GRIA2: variants seen among roughly 807,000 people sequenced by gnomAD.
GRIA2 encodes the protein glutamate ionotropic receptor AMPA type subunit 2, also known as glutamate receptor 2.
In GRIA2, 14 loss-of-function variants were observed where a neutral mutation model predicts 97.3. That is an observed-to-expected ratio of 0.14 (90% CI 0.10 to 0.23). The LOEUF is 0.23. Ranked by LOEUF, GRIA2 falls within the 10% of genes least tolerant of loss-of-function variation. GRIA2 has a pLI of 1.00. For missense variants in GRIA2, 558 were observed against 1,069.8 expected, an observed-to-expected ratio of 0.52 and a Z score of 6.67; for synonymous variants, 412 against 387.8, an observed-to-expected ratio of 1.06 and a Z score of -0.73.
At chr4:157,287,539 T>A (rs1732899895) in intron 2 of GRIA2, among the ~76,000 whole-genome samples, 1 of 151,626 alleles carries the variant, frequency 6.6e-6, no homozygotes, top group South Asian at 2.1e-4. Flanking sequence ...TATTTGCTTT[T>A]GCTTAGTGAT....
At chr4:157,346,118 TA>T (rs1342313537) in intron 12 of GRIA2, among the ~76,000 whole-genome samples, 3 of 152,092 alleles carry the variant, frequency 2.0e-5, no homozygotes, top group South Asian at 2.1e-4. Flanking sequence ...TAATTGAGAG[TA>T]TTTTTTTAAA....
chr4:157,351,434 T>C (rs1309877033), intron 12 of GRIA2, among the ~76,000 whole-genome samples: 1 of 152,160 alleles, frequency 6.6e-6, no homozygotes, highest in Non-Finnish European at 1.5e-5. Context: ...ACATAAGGTA[T>C]AATGAGTAGG....
At chr4:157,347,050 A>G (rs191880860) in intron 12 of GRIA2, among the ~76,000 whole-genome samples, 2 of 152,322 alleles carry the variant, frequency 1.3e-5, no homozygotes, top group East Asian at 3.9e-4. Context: ...TTAACAATAC[A>G]GGAAGGGTCA....
rs564963680 is a variant in GRIA2, at chr4:157,269,916, G to T, written c.230-33636G>T. ...AGCTTTCTTTTATGCTCATATATAA[G>T]TACCTTGAAAAGTGGGCCCATCAGT... On this transcript the variant is annotated intron_variant, in intron 2 of 15. Transcript: ENST00000264426. Among the ~76,000 whole-genome samples the T allele has an allele frequency of 2.6e-5, 4 of 151,984 alleles. 1 individual carries two copies. In the Middle Eastern group the frequency reaches 0.014, roughly 517 times the overall value.
intron 2 of GRIA2, among the ~76,000 whole-genome samples, chr4:157,240,374 A>G (rs755950896): frequency 2.0e-5 from 3 of 152,048 alleles, no homozygotes; most frequent in Admixed American, 6.6e-5. Flanking sequence ...TCTAGGTTTA[A>G]ATTACATTTT....
chr4:157,302,268 G>A (rs557195466), intron 2 of GRIA2, among the ~76,000 whole-genome samples: 204 of 151,950 alleles, frequency 1.3e-3, no homozygotes, highest in African/African-American at 4.7e-3. Flanking sequence ...GAGCATTACA[G>A]GGGATCAGTC....
chr4:157,225,945 T>C (rs1049306924), intron 2 of GRIA2, among the ~76,000 whole-genome samples: 7 of 152,040 alleles, frequency 4.6e-5, no homozygotes, highest in Non-Finnish European at 1.0e-4. Context: ...TAGTAAACTT[T>C]GATGCTATGC....
intron 2 of GRIA2, among the ~76,000 whole-genome samples, chr4:157,274,385 A>G (rs1234315775): frequency 6.6e-6 from 1 of 150,812 alleles, no homozygotes; most frequent in Non-Finnish European, 1.5e-5. Flanking sequence ...TAATTATTAT[A>G]CTTTAAGTTT....
intron 13 of GRIA2, 116 bp from the exon 14 acceptor site, chr4:157,360,894 C>A: frequency 5.3e-6 from 4 of 754,342 alleles, no homozygotes; most frequent in Non-Finnish European, 9.0e-6. Flanking sequence ...TTTCCCACTT[C>A]ATTTTTTTGT....
In GRIA2 at chr4:157,310,116, C is replaced by T. The variant is rs187111707; in HGVS notation, c.470-2563C>T. On this transcript the variant is annotated intron_variant, in intron 3 of 15. Transcript: ENST00000264426. ...GTACATTGATAGCTGTCGAATTGAT[C>T]ATAATGACCAGCTGTGCGTGTTCTG... 2.6e-3 allele frequency among the ~76,000 whole-genome samples: 399 copies of T among 152,218 alleles called. 4 individuals are homozygous for T. The highest frequency in any genetic ancestry group is 0.024 in the Middle Eastern group (7 of 294).
At position 157,361,571 on chromosome 4, in the gene GRIA2, T is replaced by C; in HGVS notation, c.2406+447T>C. On this transcript the variant is annotated intron_variant, in intron 14 of 15. Coordinates refer to ENST00000264426, the MANE Select transcript of GRIA2 (RefSeq NM_001083619.3). This position sits in a 1 kb window ranked among gnomAD's most constrained non-coding sequence, Gnocchi z 5.2. ...TAAATCTTGCAGTATTGAAACTCAGTGAGCAAGGCGTCTTAGACAAGCTGA... is the reference window on the plus strand; with the variant it reads ...TAAATCTTGCAGTATTGAAACTCAGCGAGCAAGGCGTCTTAGACAAGCTGA... The C allele has an allele frequency of 6.2e-7, 1 of 1,612,108 alleles. No individual in the cohort carries two copies. The highest frequency in any genetic ancestry group is 8.5e-7 in the Non-Finnish European group (1 of 1,178,342).
At chr4:157,355,959 TTATGTATATTAA>T (rs1331263036) in intron 12 of GRIA2, among the ~76,000 whole-genome samples, 5 of 34,130 alleles carry the variant, frequency 1.5e-4, no homozygotes, top group African/African-American at 3.7e-4. Context: ...ATTTATATAT[TTATGTATATTAA>T]TATATATATT....
At chr4:157,318,757 C>T (rs1734432732) in intron 5 of GRIA2, among the ~76,000 whole-genome samples, 1 of 152,078 alleles carries the variant, frequency 6.6e-6, no homozygotes. Context: ...ACCCCTGTCT[C>T]ACCCAAGAAC....
At chr4:157,253,695 A>G (rs1008859250) in intron 2 of GRIA2, among the ~76,000 whole-genome samples, 1 of 152,174 alleles carries the variant, frequency 6.6e-6, no homozygotes, top group Non-Finnish European at 1.5e-5. Flanking sequence ...GCTTCTTTAT[A>G]GAAATCAAAA....
At chr4:157,346,124 T>A (rs1735754329) in intron 12 of GRIA2, among the ~76,000 whole-genome samples, 1 of 152,160 alleles carries the variant, frequency 6.6e-6, no homozygotes, top group African/African-American at 2.4e-5. Flanking sequence ...AGAGTATTTT[T>A]TTAAAGATGT....
At chr4:157,313,005 A>G (rs2126886479) in intron 4 of GRIA2, 130 bp downstream of exon 4, 2 of 494,390 alleles carry the variant, frequency 4.0e-6, no homozygotes, top group East Asian at 3.2e-5. Context: ...GGATGCAGCA[A>G]AGATCATCAA....
At chr4:157,341,179 G>A in intron 11 of GRIA2, 85 bp from the exon 12 acceptor site, 1 of 847,128 alleles carries the variant, frequency 1.2e-6, no homozygotes, top group Non-Finnish European at 2.0e-6. Context: ...TCCCCTATAA[G>A]TCAATATTTG....
intron 6 of GRIA2, among the ~76,000 whole-genome samples, chr4:157,331,879 C>A (rs2126929890): frequency 6.6e-6 from 1 of 152,098 alleles, no homozygotes; most frequent in African/African-American, 2.4e-5. Context: ...TGCTGAGTAC[C>A]TGTTTTGGAT....
chr4:157,252,419 A>AAACAATGGACAGTTTTGT (rs1427788737), intron 2 of GRIA2, among the ~76,000 whole-genome samples: 1 of 152,130 alleles, frequency 6.6e-6, no homozygotes, highest in Non-Finnish European at 1.5e-5. Flanking sequence ...ACTTTAAGGG[A>AAACAATGGACAGTTTTGT]AACAATGGAC....
Sources: gnomAD v4.1 joint callset for allele counts (sites outside exome capture counted in the v4.1 genomes callset) on GRCh38, gnomAD v4.1.1 for gene constraint, Gnocchi (gnomAD v3.1) non-coding constraint, MANE v1.5 for transcripts, NCBI Gene and HGNC (gene_info 2026-07-23, HGNC 2026-07-21) for gene names.